The following SESN1 variants were observed in gnomAD, a reference collection of about 807,000 sequenced individuals.
SESN1 encodes sestrin 1, also known as sestrin-1.
Under a neutral mutation model 59.3 loss-of-function variants are expected in SESN1, and 30 were observed. The ratio of observed to expected loss-of-function variants is 0.51; its 90% CI spans 0.38 to 0.69. The LOEUF (loss-of-function observed/expected upper bound fraction) is 0.69, where lower values mean the gene tolerates loss of function less well. Among genes scored for constraint, SESN1 ranks in the 30% least tolerant of loss-of-function variants. SESN1 has a pLI of 0.00. For missense variants in SESN1, 566 were observed against 673.0 expected (o/e 0.84, Z 1.76); for synonymous variants, 197 against 219.9 (o/e 0.90, Z 0.92).
At chr6:109,083,488 G>T (rs1020855170) in intron 1 of SESN1, among the ~76,000 whole-genome samples, 2 of 152,126 alleles carry the variant, frequency 1.3e-5, no homozygotes, top group Non-Finnish European at 2.9e-5. Flanking sequence ...GAAATGAGAA[G>T]AAATGATTCA....
intron 1 of SESN1, among the ~76,000 whole-genome samples, chr6:109,022,955 G>C (rs1018664326): frequency 2.0e-5 from 3 of 152,060 alleles, no homozygotes; most frequent in African/African-American, 7.2e-5. Context: ...CCATCAGAAA[G>C]AGGCCAAGGG....
rs143084525 is a variant in SESN1 at position 109,094,035 on chromosome 6, G to A, written c.39C>T (p.Leu13=). ...EGENEVRWDG[L]CSRDSTTRET... is the part of the protein sequence containing the mutation. ...CCCTAGTAGTTGAATCTCTGCTGCA[G>A]AGTCCATCCCATCTCACTTCATTCT... The change falls in exon 1 of 10, where the codon CTC becomes CTT. Residue 13 remains leucine, a synonymous_variant. Transcript: ENST00000436639. 6 of 1,614,076 alleles carry A rather than the reference G, an allele frequency of 3.7e-6. No homozygotes were observed. Among genetic ancestry groups the A allele is most frequent in the Non-Finnish European group, 5.1e-6 (6 of 1,179,994 alleles).
At chr6:108,990,359 C>T (rs916683198) in intron 8 of SESN1, among the ~76,000 whole-genome samples, 8 of 152,198 alleles carry the variant, frequency 5.3e-5, no homozygotes, top group Admixed American at 4.6e-4. Context: ...TGTTCAGTTA[C>T]AAACTTTGTT....
At chr6:109,065,274 C>T (rs1396831414) in intron 1 of SESN1, among the ~76,000 whole-genome samples, 1 of 152,030 alleles carries the variant, frequency 6.6e-6, no homozygotes, top group Non-Finnish European at 1.5e-5. Context: ...ATTATTTTCC[C>T]CTAATACTAT....
intron 1 of SESN1, among the ~76,000 whole-genome samples, chr6:109,021,316 A>G (rs1279129031): frequency 6.6e-6 from 1 of 152,206 alleles, no homozygotes; most frequent in Non-Finnish European, 1.5e-5. Flanking sequence ...AGGTTTGCTA[A>G]TAACATTGTA....
Position 108,986,433 on chromosome 6 carries a change from CAAAT to C in SESN1, c.*1107_*1110del, listed in dbSNP as rs1287720412. 1 of 152,518 alleles carries C rather than the reference CAAAT, an allele frequency of 6.6e-6. No individual in the cohort carries two copies. The allele number at this position is 152,518 out of a possible 1,614,324, so 9.4% of individuals were successfully genotyped here. A position where few individuals can be genotyped will look rare whatever the true frequency, so the allele number is the denominator to read the frequency against. On this transcript the variant is annotated 3_prime_UTR_variant, in exon 10 of 10. Transcript: ENST00000436639. ...ATGATTTTTTAAGAGATTGAGACAG[CAAAT>C]AAAATTGGAGAAAAATTCTTCTTTA...
chr6:108,994,681 C>T (rs12529409), intron 5 of SESN1, 72 bp from the exon 6 acceptor site: 23 of 683,216 alleles, frequency 3.4e-5, no homozygotes, highest in South Asian at 9.4e-5. Flanking sequence ...TTAAGTCTGT[C>T]TCATAAGAAT....
At chr6:109,086,942 G>A (rs565844186) in intron 1 of SESN1, among the ~76,000 whole-genome samples, 1 of 152,036 alleles carries the variant, frequency 6.6e-6, no homozygotes, top group Non-Finnish European at 1.5e-5. Context: ...GACCAGCCTG[G>A]CCAACATGGT....
chr6:108,994,554 T>C lies in SESN1; in HGVS notation c.1028A>G (p.Gln343Arg). The change falls in exon 6 of 10, where the codon CAG becomes CGG. Residue 343 changes from glutamine to arginine, a missense_variant. Transcript: ENST00000436639. Reference sequence around the variant, plus strand: ...TGCCTCTTCTTCATCTCGACATTCCTGTAACTGCCTCATCTTTTCCATGAG... The same window carrying C: ...TGCCTCTTCTTCATCTCGACATTCCCGTAACTGCCTCATCTTTTCCATGAG... ...EALMEKMRQL[Q>R]ECRDEEEASQ... 2 of 1,613,722 alleles carry C rather than the reference T, an allele frequency of 1.2e-6. No individual in the cohort carries two copies. The highest frequency in any genetic ancestry group is 1.7e-6 in the Non-Finnish European group (2 of 1,179,806).
At chr6:108,991,810 C>T (rs1459038102) in intron 7 of SESN1, among the ~76,000 whole-genome samples, 3 of 152,174 alleles carry the variant, frequency 2.0e-5, no homozygotes, top group Non-Finnish European at 2.9e-5. Context: ...ACATTTAAGG[C>T]ACACCTAACC....
At chr6:109,032,448 C>T (rs1479414697) in intron 1 of SESN1, among the ~76,000 whole-genome samples, 4 of 152,002 alleles carry the variant, frequency 2.6e-5, no homozygotes, top group African/African-American at 9.7e-5. Context: ...GAAACCCTGT[C>T]TCTACTAAAA....
At chr6:109,048,411 T>G (rs1780486541) in intron 1 of SESN1, among the ~76,000 whole-genome samples, 1 of 152,240 alleles carries the variant, frequency 6.6e-6, no homozygotes, top group Admixed American at 6.5e-5. Context: ...AGTGAAAGTA[T>G]TTTTAAAGGA....
intron 1 of SESN1, among the ~76,000 whole-genome samples, chr6:109,052,767 TTAAG>T (rs1246684397): frequency 2.0e-5 from 3 of 152,168 alleles, no homozygotes; most frequent in African/African-American, 7.2e-5. Context: ...ATTTCAACCA[TTAAG>T]TATGCAGTTT....
intron 1 of SESN1, among the ~76,000 whole-genome samples, chr6:109,085,133 A>G (rs1340278669): frequency 6.6e-6 from 1 of 151,846 alleles, no homozygotes; most frequent in Non-Finnish European, 1.5e-5. Context: ...CAACAGAAAA[A>G]AAAAAAAACA....
In SESN1 at chr6:108,992,984, C is replaced by G. The variant is rs1366065896; in HGVS notation, c.1121-85G>C. The G allele has an allele frequency of 4.9e-6, 4 of 813,642 alleles. No homozygotes were observed. In the East Asian group the frequency reaches 7.7e-5, roughly 16 times the overall value. 50.4% of individuals were successfully genotyped at this position (813,642 alleles called of 1,614,324 possible). On this transcript the variant is annotated intron_variant, in intron 6 of 9. Coordinates refer to ENST00000436639, the MANE Select transcript of SESN1 (RefSeq NM_014454.3). ...ACCCAAAGGAGTAAAAATGGCATAACTCTTTCTCTGATACTGAGTGACCAA... is the reference window on the plus strand; with the variant it reads ...ACCCAAAGGAGTAAAAATGGCATAAGTCTTTCTCTGATACTGAGTGACCAA...
chr6:109,041,190 T>C (rs1010906294), intron 1 of SESN1, among the ~76,000 whole-genome samples: 2 of 150,502 alleles, frequency 1.3e-5, no homozygotes, highest in African/African-American at 4.9e-5. Context: ...CATGCACCTA[T>C]AGTCCCAGCT....
intron 1 of SESN1, among the ~76,000 whole-genome samples, chr6:109,071,093 T>C (rs976027564): frequency 2.0e-5 from 3 of 152,164 alleles, no homozygotes; most frequent in African/African-American, 7.2e-5. Flanking sequence ...ATAGCTAACA[T>C]TATTCATTCA....
At chr6:109,054,086 G>C (rs539313682) in intron 1 of SESN1, among the ~76,000 whole-genome samples, 16 of 151,630 alleles carry the variant, frequency 1.1e-4, no homozygotes, top group Admixed American at 2.6e-4. Context: ...TAATTTTTTG[G>C]GGGGGGAGGG....
intron 4 of SESN1, 21 bp from the exon 5 acceptor site, chr6:108,998,776 G>C (rs150964584): frequency 6.3e-7 from 1 of 1,582,498 alleles, no homozygotes; most frequent in Admixed American, 1.8e-5. Context: ...AAAAAAAAAA[G>C]AATATATTTT....
Sources: allele counts gnomAD v4.1 joint callset (sites outside exome capture counted in the v4.1 genomes callset), GRCh38; gene constraint gnomAD v4.1.1; transcripts MANE v1.5; gene names NCBI Gene and HGNC (gene_info 2026-07-23, HGNC 2026-07-21).